The following WAPL variants were observed in gnomAD, a reference collection of about 807,000 sequenced individuals.
WAPL encodes wings apart-like protein homolog.
WAPL carries 5 observed loss-of-function variants against 121.0 expected under a neutral mutation model. The observed-to-expected ratio is 0.04, with a 90% CI of 0.02 to 0.09. The LOEUF is 0.09. Among genes scored for constraint, WAPL ranks in the 10% least tolerant of loss-of-function variants. WAPL has a pLI of 1.00. For synonymous variants in WAPL, 480 were observed against 481.5 expected (o/e 1.00, Z 0.04); for missense variants, 999 against 1,410.8 (o/e 0.71, Z 4.68).
chr10:86,446,107 C>G (rs1244297928), intron 16 of WAPL, 135 bp downstream of exon 16: 18 of 932,306 alleles, frequency 1.9e-5, no homozygotes, highest in Non-Finnish European at 2.7e-5. Context: ...AGTATCAAAG[C>G]TTGTCTGGAC....
At chr10:86,459,146 TAA>T (rs1841215228) in intron 11 of WAPL, 81 bp from the exon 12 acceptor site, 2 of 1,123,768 alleles carry the variant, frequency 1.8e-6, no homozygotes, top group African/African-American at 1.6e-5. Context: ...GCCTGGTGCG[TAA>T]AAGATACAAA....
In WAPL at chr10:86,437,965, T is replaced by C; in HGVS notation, c.3462A>G (p.Ile1154Met). ...AAAATTTTTTGAGCATCTCTGTCATTATTGAAAAGTCTCCTTCTGGCAGAT... is the reference window on the plus strand; with the variant it reads ...AAAATTTTTTGAGCATCTCTGTCATCATTGAAAAGTCTCCTTCTGGCAGAT... The part of the protein sequence containing the change: ...REYLPEGDFS[I>M]MTEMLKKFLS... The change falls in exon 18 of 19, where the codon ATA becomes ATG. Residue 1154 changes from isoleucine to methionine, a missense_variant. By Grantham distance (10) the Ile-to-Met change is conservative. Coordinates refer to ENST00000298767, the MANE Select transcript of WAPL (RefSeq NM_015045.5). 1 of 1,614,010 alleles carries C rather than the reference T, an allele frequency of 6.2e-7. No homozygotes were observed. Among genetic ancestry groups the C allele is most frequent in the Non-Finnish European group, 8.5e-7 (1 of 1,179,974 alleles).
At chr10:86,438,346 T>C (rs968208455) in intron 17 of WAPL, among the ~76,000 whole-genome samples, 7 of 151,724 alleles carry the variant, frequency 4.6e-5, no homozygotes, top group Non-Finnish European at 8.8e-5. Context: ...CTCTACCTCC[T>C]GGGTTCAAGT....
At chr10:86,479,043 G>A (rs1841723826) in intron 4 of WAPL, among the ~76,000 whole-genome samples, 1 of 151,988 alleles carries the variant, frequency 6.6e-6, no homozygotes, top group African/African-American at 2.4e-5. Context: ...AGGTTGCAGT[G>A]AGCCAAGACT....
chr10:86,516,328 A>G (rs1842556379), intron 2 of WAPL, among the ~76,000 whole-genome samples: 1 of 152,142 alleles, frequency 6.6e-6, no homozygotes, highest in South Asian at 2.1e-4. Context: ...CAAGAGTGAG[A>G]AAAAGAGTGA....
In WAPL at chr10:86,437,179, A is replaced by G. The variant is rs188803292; in HGVS notation, c.*364T>C. 1,502 of 183,808 alleles carry G rather than the reference A, an allele frequency of 8.2e-3. 29 individuals carry two copies. The highest frequency in any genetic ancestry group is 0.04 in the Admixed American group (648 of 16,386). 11.4% of individuals were successfully genotyped at this position (183,808 alleles called of 1,614,324 possible). A position where few individuals can be genotyped will look rare whatever the true frequency, so the allele number is the denominator to read the frequency against. ...CTGGCTGGCATGACAACAGTGGCTC[A>G]ACATACACAGCAGTTGCACTAACAG... On this transcript the variant is annotated 3_prime_UTR_variant, in exon 19 of 19. Transcript: ENST00000298767.
chr10:86,499,702 T>C lies in WAPL; in HGVS notation c.1525+16A>G, dbSNP rs1026905491. 1 of 1,536,742 alleles carries C rather than the reference T, an allele frequency of 6.5e-7. No individual in the cohort carries two copies. On this transcript the variant is annotated intron_variant, in intron 3 of 18. Coordinates refer to ENST00000298767, the MANE Select transcript of WAPL (RefSeq NM_015045.5). The stretch of plus-strand genomic sequence containing the variant: ...GGAACTATTGTACTTATTATACATA[T>C]TTTTTAAATTCTTACCTGCATTGTT...
intron 2 of WAPL, among the ~76,000 whole-genome samples, chr10:86,503,471 C>T (rs898226666): frequency 6.0e-5 from 9 of 150,766 alleles, no homozygotes; most frequent in South Asian, 2.1e-4. Flanking sequence ...AAACAAACTT[C>T]GCCGGGTGTG....
intron 15 of WAPL, among the ~76,000 whole-genome samples, chr10:86,446,935 G>C (rs560901795): frequency 9.9e-5 from 15 of 152,254 alleles, no homozygotes; most frequent in African/African-American, 3.4e-4. Context: ...GTATACAGAA[G>C]AGTGGTATAC....
Position 86,518,042 on chromosome 10 carries a change from T to C in WAPL, c.28A>G (p.Ser10Gly). The C allele has an allele frequency of 6.2e-7, 1 of 1,613,448 alleles. No individual in the cohort carries two copies. Among genetic ancestry groups the C allele is most frequent in the Non-Finnish European group, 8.5e-7 (1 of 1,179,740 alleles). ...GAACTGCCATTTCCACCTTTCCTAC[T>C]GTATGTTTTCCCAAATCTGGATGTC... Reference protein sequence around the residue: MTSRFGKTYSRKGGNGSSKF... With the variant: MTSRFGKTYGRKGGNGSSKF... The change falls in exon 2 of 19, where the codon AGT (serine) becomes GGT (glycine). Residue 10 changes from serine (S) to glycine (G), a missense_variant. Coordinates refer to ENST00000298767, the MANE Select transcript of WAPL (RefSeq NM_015045.5).
At chr10:86,455,310 A>G (rs1306209728) in intron 12 of WAPL, among the ~76,000 whole-genome samples, 1 of 151,682 alleles carries the variant, frequency 6.6e-6, no homozygotes, top group African/African-American at 2.4e-5. Flanking sequence ...AAGTAGACAT[A>G]GGAGACTCCA....
chr10:86,453,613 A>C (rs1295647320), intron 13 of WAPL, 43 bp downstream of exon 13: 1 of 1,555,482 alleles, frequency 6.4e-7, no homozygotes, highest in East Asian at 2.3e-5. Flanking sequence ...TTTCACATGC[A>C]ATATACATCT....
chr10:86,459,305 A>G (rs967390549), intron 11 of WAPL, among the ~76,000 whole-genome samples: 2 of 152,216 alleles, frequency 1.3e-5, no homozygotes, highest in African/African-American at 4.8e-5. Flanking sequence ...TACACTACAT[A>G]TTCACTGTAA....
chr10:86,460,832 G>C (rs1360264507), intron 10 of WAPL, among the ~76,000 whole-genome samples: 4 of 151,950 alleles, frequency 2.6e-5, no homozygotes, highest in African/African-American at 9.7e-5. Context: ...TCCTGCCTCA[G>C]CCTCCCAAGT....
rs76592152 is a variant in WAPL at position 86,453,894 on chromosome 10, A to T, written c.2658-63T>A. 8.8e-5 allele frequency: 114 copies of T among 1,291,584 alleles called. No individual in the cohort carries two copies. In the Admixed American group the frequency reaches 4.0e-3, roughly 45 times the overall value. 80.0% of individuals were successfully genotyped at this position (1,291,584 alleles called of 1,614,324 possible). On this transcript the variant is annotated intron_variant, in intron 12 of 18. Coordinates refer to ENST00000298767, the MANE Select transcript of WAPL (RefSeq NM_015045.5). ...AATAATAGGTACACAGCAAATTTCT[A>T]TTTACTTGAACCTAAAGGCTATCGG...
intron 15 of WAPL, 102 bp downstream of exon 15, chr10:86,451,865 G>C: frequency 7.5e-7 from 1 of 1,333,636 alleles, no homozygotes; most frequent in Non-Finnish European, 1.0e-6. Flanking sequence ...AGGGCCAGCA[G>C]TGGATGGGCA....
At chr10:86,490,445 C>T (rs914706532) in intron 4 of WAPL, among the ~76,000 whole-genome samples, 4 of 152,122 alleles carry the variant, frequency 2.6e-5, no homozygotes, top group African/African-American at 9.7e-5. Flanking sequence ...TACATGTACA[C>T]TGCTGCCTTC....
At chr10:86,516,157 T>C (rs972977541) in intron 2 of WAPL, among the ~76,000 whole-genome samples, 1 of 152,166 alleles carries the variant, frequency 6.6e-6, no homozygotes, top group Non-Finnish European at 1.5e-5. Flanking sequence ...CATGAGCCAC[T>C]GCACAGGTCC....
Position 86,500,292 on chromosome 10 carries a change from G to A in WAPL, c.951C>T (p.Gly317=), listed in dbSNP as rs1842222858. Residue 317 remains glycine, a synonymous_variant, in exon 3 of 19, where the codon GGC becomes GGT. Transcript: ENST00000298767. ...TTGCTTTGGCTAAGGCCTGACTGGT[G>A]CCGTCCATCAGCTTATCAAAATTTG... is the stretch of plus-strand genomic sequence containing the variant. ...GASNFDKLMD[G]TSQALAKANS... The A allele has an allele frequency of 6.2e-7, 1 of 1,614,202 alleles. No individual in the cohort carries two copies.
Sources: allele counts gnomAD v4.1 joint callset (sites outside exome capture counted in the v4.1 genomes callset), GRCh38; gene constraint gnomAD v4.1.1; transcripts MANE v1.5; gene names NCBI Gene and HGNC (gene_info 2026-07-23, HGNC 2026-07-21).